The following ZP2 variants were observed in gnomAD, a reference collection of about 807,000 sequenced individuals.
ZP2 encodes the protein zona pellucida glycoprotein 2.
A neutral mutation model predicts 84.0 loss-of-function variants in ZP2; 51 were observed. That is an observed-to-expected ratio of 0.61 (90% CI 0.49 to 0.77). The LOEUF is 0.77. Among genes scored for constraint, ZP2 ranks in the 30% least tolerant of loss-of-function variants. The pLI is 0.00. For synonymous variants in ZP2, 375 were observed against 330.9 expected (o/e 1.13, Z -1.45); for missense variants, 909 against 911.9 (o/e 1.00, Z 0.04).
chr16:21,211,172 C>T (rs182332126), intron 2 of ZP2, 135 bp downstream of exon 2: 37 of 756,470 alleles, frequency 4.9e-5, no homozygotes, highest in Non-Finnish European at 7.4e-5. Flanking sequence ...AAGAAAGATC[C>T]AGTAACCTGA....
chr16:21,203,218 A>AGTAGAACTGATG lies in ZP2; in HGVS notation c.994_1005dup (p.His332_Tyr335dup). 6.2e-7 allele frequency: 1 copy of AGTAGAACTGATG among 1,613,946 alleles called. No individual in the cohort carries two copies. The highest frequency in any genetic ancestry group is 8.5e-7 in the Non-Finnish European group (1 of 1,179,904). On this transcript the variant is annotated inframe_insertion, in exon 10 of 19. Coordinates refer to ENST00000574091, the MANE Select transcript of ZP2 (RefSeq NM_001376232.1). ...AGAAAGGTCAGCTTGAGTGAAGCTA[A>AGTAGAACTGATG]GTAGAACTGATGGAGTAGGCATTTT...
At chr16:21,210,850 C>T (rs1365366125) in intron 2 of ZP2, among the ~76,000 whole-genome samples, 1 of 150,478 alleles carries the variant, frequency 6.6e-6, no homozygotes, top group Admixed American at 6.6e-5. Flanking sequence ...TCTGGGATTA[C>T]AGGCGTGAGC....
intron 7 of ZP2, among the ~76,000 whole-genome samples, chr16:21,204,932 T>C (rs984652133): frequency 1.2e-4 from 19 of 152,340 alleles, no homozygotes; most frequent in Admixed American, 8.5e-4. Flanking sequence ...AATATGCTTG[T>C]TCTGTGTTGT....
At chr16:21,203,872 A>C (rs1239640202) in intron 9 of ZP2, 158 bp downstream of exon 9, 2 of 705,684 alleles carry the variant, frequency 2.8e-6, no homozygotes, top group South Asian at 3.7e-5. Context: ...TTGATATTTC[A>C]CTTATACAAG....
chr16:21,204,329 A>C lies in ZP2; in HGVS notation c.769T>G (p.Ser257Ala). Reference protein sequence around the residue: ...ISPGQKVIFSSQAICAPDPVT... With the variant: ...ISPGQKVIFSAQAICAPDPVT... ...TTACCTGGTGCACAAATAGCTTGTGAAGAGAAGATCACCTTCTGTCCAGGA... is the reference window on the plus strand; with the variant it reads ...TTACCTGGTGCACAAATAGCTTGTGCAGAGAAGATCACCTTCTGTCCAGGA... The change falls in exon 8 of 19, where the codon TCA becomes GCA. Residue 257 changes from serine to alanine, a missense_variant. Coordinates refer to ENST00000574091, the MANE Select transcript of ZP2 (RefSeq NM_001376232.1). 1 of 1,614,124 alleles carries C rather than the reference A, an allele frequency of 6.2e-7. No individual in the cohort carries two copies. Among genetic ancestry groups the C allele is most frequent in the East Asian group, 2.2e-5 (1 of 44,888 alleles).
Position 21,203,288 on chromosome 16 carries a change from G to A in ZP2, c.973-37C>T, listed in dbSNP as rs75227459. The A allele has an allele frequency of 4.9e-3, 7,946 of 1,608,280 alleles. 235 individuals are homozygous for A. The East Asian group carries it at 0.088, about 18-fold the overall frequency. ...AAATGTCAATTAGCAGCCACAGTCC[G>A]TTGGGGCCCGGAACCGTCACAGGGA... On this transcript the variant is annotated intron_variant, in intron 9 of 18. Coordinates refer to ENST00000574091, the MANE Select transcript of ZP2 (RefSeq NM_001376232.1).
chr16:21,208,511 T>C (rs977784141), intron 4 of ZP2, among the ~76,000 whole-genome samples: 5 of 152,176 alleles, frequency 3.3e-5, no homozygotes, highest in African/African-American at 9.7e-5. Context: ...CTGTTAGATA[T>C]GCAGATTCCC....
rs776125713 is a variant in ZP2 at position 21,203,254 on chromosome 16, G to A, written c.973-3C>T. On this transcript the variant is annotated splice_region_variant and splice_polypyrimidine_tract_variant and intron_variant, in intron 9 of 18. Transcript: ENST00000574091. ...TGGAGTAGGCATTTTTCAGATAACT[G>A]AAATGAGAAAATGTCAATTAGCAGC... is the stretch of plus-strand genomic sequence containing the variant. The A allele has an allele frequency of 6.2e-7, 1 of 1,613,212 alleles. No homozygotes were observed. The highest frequency in any genetic ancestry group is 8.5e-7 in the Non-Finnish European group (1 of 1,179,592).
chr16:21,212,963 T>C (rs1424848418), upstream of ZP2, among the ~76,000 whole-genome samples: 1 of 152,214 alleles, frequency 6.6e-6, no homozygotes, highest in East Asian at 1.9e-4. Flanking sequence ...ATATAAGGCT[T>C]AGACTCCATT....
chr16:21,209,381 C>T (rs959135359), intron 4 of ZP2, among the ~76,000 whole-genome samples: 1 of 152,184 alleles, frequency 6.6e-6, no homozygotes, highest in Non-Finnish European at 1.5e-5. Flanking sequence ...GTTGGCCAGG[C>T]TGGTCTCAAA....
intron 2 of ZP2, among the ~76,000 whole-genome samples, chr16:21,210,420 C>A (rs1280193904): frequency 6.6e-6 from 1 of 151,978 alleles, no homozygotes; most frequent in Non-Finnish European, 1.5e-5. Flanking sequence ...CAGTAAGAAG[C>A]CCAGGTTAGG....
intron 16 of ZP2, among the ~76,000 whole-genome samples, chr16:21,199,133 C>T (rs1272019909): frequency 6.6e-6 from 1 of 151,748 alleles, no homozygotes; most frequent in Admixed American, 6.6e-5. Flanking sequence ...CTGGCCTGGC[C>T]AACATGGTGA....
At chr16:21,211,813 C>A (rs2093276655), upstream of ZP2, 1 of 1,400,800 alleles carries the variant, frequency 7.1e-7, no homozygotes, top group South Asian at 1.6e-5. Flanking sequence ...GGTGTTTTCC[C>A]TATAACTATG....
intron 3 of ZP2, 60 bp from the exon 4 acceptor site, chr16:21,209,785 G>A (rs777245851): frequency 2.0e-6 from 3 of 1,473,080 alleles, no homozygotes; most frequent in Non-Finnish European, 2.9e-6. Flanking sequence ...ACAGTCCAAA[G>A]CTATAGAGTC....
intron 3 of ZP2, 92 bp downstream of exon 3, chr16:21,210,017 G>A (rs771699476): frequency 1.8e-5 from 21 of 1,139,628 alleles, no homozygotes; most frequent in Non-Finnish European, 2.1e-5. Flanking sequence ...GTTGCTGCAG[G>A]AGTTTGGGTA....
At chr16:21,203,343 A>G in intron 9 of ZP2, 92 bp from the exon 10 acceptor site, 1 of 1,545,572 alleles carries the variant, frequency 6.5e-7, no homozygotes. Flanking sequence ...AAATACTTGC[A>G]GGACACACTC....
intron 17 of ZP2, among the ~76,000 whole-genome samples, chr16:21,198,569 G>A (rs1459092607): frequency 6.6e-6 from 1 of 152,162 alleles, no homozygotes; most frequent in Non-Finnish European, 1.5e-5. Flanking sequence ...AGATCAGTAG[G>A]TAGAAGCTAT....
rs2093240375 is a variant in ZP2, at chr16:21,204,419, AACAGTG to A, written c.694-21_694-16del. 6.2e-7 allele frequency: 1 copy of A among 1,603,742 alleles called. No individual in the cohort carries two copies. The highest frequency in any genetic ancestry group is 8.5e-7 in the Non-Finnish European group (1 of 1,171,806). On this transcript the variant is annotated splice_polypyrimidine_tract_variant and intron_variant, in intron 7 of 18. Transcript: ENST00000574091. ...CTGTTACCTTGCTAGGGGGAGAAAT[AACAGTG>A]ATCTTCAAAAACATTGGTTACTTGA...
chr16:21,198,902 T>C (rs368236809), intron 16 of ZP2, 40 bp from the exon 17 acceptor site: 24 of 1,557,832 alleles, frequency 1.5e-5, no homozygotes, highest in African/African-American at 4.1e-5. Context: ...GCCTCTGGAA[T>C]AGTGGTTCGA....
Sources: allele counts gnomAD v4.1 joint callset (sites outside exome capture counted in the v4.1 genomes callset), GRCh38; gene constraint gnomAD v4.1.1; transcripts MANE v1.5; gene names NCBI Gene and HGNC (gene_info 2026-07-23, HGNC 2026-07-21).